Variants in SAMMSON observed in about 807,000 individuals in gnomAD.
SAMMSON encodes the protein long intergenic non-protein coding RNA 1212.
At chr3:70,099,121 CAG>C (rs1246143430) in intron 4 of SAMMSON, among the ~76,000 whole-genome samples, 2 of 152,128 alleles carry the variant, frequency 1.3e-5, no homozygotes, top group African/African-American at 4.8e-5. Flanking sequence ...TTCCTTTTGT[CAG>C]ACATTTAAGT....
chr3:70,237,806 C>T (rs1701624893), intron 4 of SAMMSON, among the ~76,000 whole-genome samples: 2 of 152,028 alleles, frequency 1.3e-5, no homozygotes, highest in African/African-American at 4.8e-5. Flanking sequence ...ATATTGTGGG[C>T]ATGGACAAAG....
At chr3:70,383,977 AT>A (rs1304048169) in intron 9 of SAMMSON, among the ~76,000 whole-genome samples, 3 of 151,788 alleles carry the variant, frequency 2.0e-5, no homozygotes, top group African/African-American at 7.3e-5. Context: ...GGCATTTTGA[AT>A]TTTTTTTACC....
chr3:70,147,186 C>G (rs1381578595), intron 4 of SAMMSON, among the ~76,000 whole-genome samples: 1 of 151,868 alleles, frequency 6.6e-6, no homozygotes, highest in East Asian at 1.9e-4. Context: ...ATAAATGGAG[C>G]TACATCTGGT....
chr3:70,163,519 A>G (rs144725244), intron 4 of SAMMSON, among the ~76,000 whole-genome samples: 122 of 151,988 alleles, frequency 8.0e-4, no homozygotes, highest in African/African-American at 2.3e-3. Context: ...TCATGTTATT[A>G]TTGTCATATA....
At chr3:70,129,322 T>A (rs2067471974) in intron 4 of SAMMSON, among the ~76,000 whole-genome samples, 1 of 152,198 alleles carries the variant, frequency 6.6e-6, no homozygotes. Flanking sequence ...TTCATTTCCA[T>A]AACAACCTTA....
intron 7 of SAMMSON, among the ~76,000 whole-genome samples, chr3:70,296,655 A>G (rs1007099708): frequency 2.0e-5 from 3 of 152,112 alleles, no homozygotes; most frequent in African/African-American, 7.2e-5. Context: ...CCATTCCCAC[A>G]GCCAATTACC....
chr3:70,309,449 CAG>C (rs1328562801), intron 7 of SAMMSON, among the ~76,000 whole-genome samples: 2 of 151,984 alleles, frequency 1.3e-5, no homozygotes, highest in African/African-American at 2.4e-5. Flanking sequence ...GGGAAAAAAA[CAG>C]AGAAGTAATG....
chr3:70,299,862 C>T (rs1354371135), intron 7 of SAMMSON, among the ~76,000 whole-genome samples: 1 of 152,080 alleles, frequency 6.6e-6, no homozygotes, highest in Non-Finnish European at 1.5e-5. Flanking sequence ...ATTCAGTTTA[C>T]ACTCTTCAAC....
intron 9 of SAMMSON, among the ~76,000 whole-genome samples, chr3:70,374,345 T>C (rs1702994862): frequency 6.6e-6 from 1 of 152,072 alleles, no homozygotes; most frequent in Admixed American, 6.6e-5. Flanking sequence ...GATTTTTTAT[T>C]GAAACACAAA....
chr3:70,015,521 C>G (rs369515941), intron 3 of SAMMSON, among the ~76,000 whole-genome samples: 21 of 152,078 alleles, frequency 1.4e-4, no homozygotes, highest in African/African-American at 5.1e-4. Context: ...TAGAAATTTG[C>G]ATTGTTGACA....
chr3:70,326,123 C>G (rs1422900393), intron 7 of SAMMSON, among the ~76,000 whole-genome samples: 1 of 152,004 alleles, frequency 6.6e-6, no homozygotes, highest in East Asian at 1.9e-4. Context: ...TTTTAATGTG[C>G]TCTCTTTCCT....
At chr3:70,197,108 C>CGGGA in intron 4 of SAMMSON, 1 of 398,420 alleles carries the variant, frequency 2.5e-6, no homozygotes, top group African/African-American at 2.1e-5. Context: ...CACACCGTTT[C>CGGGA]GCAGGTGCCG....
intron 6 of SAMMSON, chr3:70,271,755 A>G (rs570698922): frequency 6.6e-5 from 10 of 152,076 alleles, no homozygotes; most frequent in Admixed American, 5.2e-4. Flanking sequence ...TATGGCTCAC[A>G]CTTATTTTTT....
intron 9 of SAMMSON, among the ~76,000 whole-genome samples, chr3:70,374,581 C>T (rs1035231705): frequency 1.3e-5 from 2 of 152,006 alleles, no homozygotes; most frequent in Non-Finnish European, 2.9e-5. Context: ...ACTGATAATA[C>T]TGCCTTGGTT....
At chr3:70,166,121 G>T (rs2067635956) in intron 4 of SAMMSON, among the ~76,000 whole-genome samples, 1 of 151,916 alleles carries the variant, frequency 6.6e-6, no homozygotes, top group Admixed American at 6.6e-5. Context: ...CCATTGTTTT[G>T]TGTTCAGTTG....
chr3:70,116,973 A>G (rs2067414176), intron 4 of SAMMSON, among the ~76,000 whole-genome samples: 1 of 152,190 alleles, frequency 6.6e-6, no homozygotes, highest in African/African-American at 2.4e-5. Flanking sequence ...GGTCTGCCTC[A>G]TCATTAAGAG....
chr3:70,125,740 G>A (rs201435399), intron 4 of SAMMSON: 26 of 673,720 alleles, frequency 3.9e-5, no homozygotes, highest in Middle Eastern at 2.9e-4. Context: ...TGAAGGACAC[G>A]AAAGTATGTT....
chr3:70,406,938 A>G (rs1372636905), intron 2 of SAMMSON, among the ~76,000 whole-genome samples: 1 of 152,228 alleles, frequency 6.6e-6, no homozygotes, highest in Non-Finnish European at 1.5e-5. Context: ...CAAGACTGGG[A>G]AGAAAAAGAG....
intron 3 of SAMMSON, among the ~76,000 whole-genome samples, chr3:70,056,985 A>G (rs2067170098): frequency 6.6e-6 from 1 of 152,080 alleles, no homozygotes; most frequent in African/African-American, 2.4e-5. Context: ...CAGAGAAAAC[A>G]TTTATCTGTA....
Sources: gnomAD v4.1 joint callset for allele counts (sites outside exome capture counted in the v4.1 genomes callset) on GRCh38, gnomAD v4.1.1 for gene constraint, MANE v1.5 for transcripts, NCBI Gene and HGNC (gene_info 2026-07-23, HGNC 2026-07-21) for gene names.